Variants in BCO2 observed in about 807,000 individuals in gnomAD.
BCO2 encodes the protein carotenoid-cleaving dioxygenase, mitochondrial.
BCO2 carries 56 observed loss-of-function variants against 65.8 expected under a neutral mutation model. The observed-to-expected ratio is 0.85, with a 90% CI of 0.69 to 1.06. The LOEUF is 1.06. BCO2 is among the 50% of genes least tolerant of loss of function. BCO2 has a pLI of 0.00. For synonymous variants in BCO2, 233 were observed against 242.3 expected (o/e 0.96, Z 0.36); for missense variants, 675 against 698.5 (o/e 0.97, Z 0.38).
intron 2 of BCO2, among the ~76,000 whole-genome samples, chr11:112,190,856 CAAAAAAAAAAAA>C (rs945768260): frequency 1.6e-4 from 10 of 62,306 alleles, no homozygotes; most frequent in Non-Finnish European, 3.4e-4. Flanking sequence ...GACTCTGTCT[CAAAAAAAAAAAA>C]AAAAAAAGAA....
Position 112,214,477 on chromosome 11 carries a change from C to T in BCO2, c.1333-285C>T, listed in dbSNP as rs192741044. ...ATCCCCACCTTTTAGATAATATGTG[C>T]TTAGCACAGACCTATCATTGTGTAG... On this transcript the variant is annotated intron_variant, in intron 9 of 11. Transcript: ENST00000357685. 2.8e-3 allele frequency among the ~76,000 whole-genome samples: 425 copies of T among 152,326 alleles called. 2 individuals carry two copies. The highest frequency in any genetic ancestry group is 4.6e-3 in the Admixed American group (71 of 15,300).
chr11:112,192,943 T>TTTTTTTTTTTTTTTTTTTTG (rs1555195002), intron 2 of BCO2, among the ~76,000 whole-genome samples: 1 of 129,430 alleles, frequency 7.7e-6, no homozygotes, highest in African/African-American at 2.9e-5. Flanking sequence ...TTTTTTTTTT[T>TTTTTTTTTTTTTTTTTTTTG]GACAGGGGTA....
chr11:112,189,530 C>A (rs1402982829), intron 2 of BCO2, among the ~76,000 whole-genome samples: 1 of 151,814 alleles, frequency 6.6e-6, no homozygotes, highest in African/African-American at 2.4e-5. Context: ...GTCAGCCTCC[C>A]AAGTAGCTGG....
intron 8 of BCO2, among the ~76,000 whole-genome samples, chr11:112,213,131 C>CTTTTTTTTTTTTTTTT (rs35527541): frequency 6.3e-5 from 4 of 63,064 alleles, no homozygotes; most frequent in African/African-American, 3.0e-4. Context: ...AATTAAATAA[C>CTTTTTTTTTTTTTTTT]TTTTTTTTTT....
At chr11:112,201,702 A>G (rs1867739533) in intron 7 of BCO2, among the ~76,000 whole-genome samples, 1 of 152,196 alleles carries the variant, frequency 6.6e-6, no homozygotes, top group African/African-American at 2.4e-5. Context: ...TTTCTATTTA[A>G]CCATGCAGTT....
chr11:112,193,851 C>G lies in BCO2; in HGVS notation c.518-28C>G, dbSNP rs73572037. ...GCGTCGTCTACAGTAAGCTGTGGTA[C>G]TTAAATAACTCTAGGGTTTGGTTTC... On this transcript the variant is annotated intron_variant, in intron 3 of 11. Coordinates refer to ENST00000357685, the MANE Select transcript of BCO2 (RefSeq NM_031938.7). 310 of 1,507,520 alleles carry G rather than the reference C, an allele frequency of 2.1e-4. 3 individuals carry two copies. The African/African-American group carries it at 4.0e-3, about 19-fold the overall frequency. The allele number at this position is 1,507,520 out of a possible 1,614,324, so 93.4% of individuals were successfully genotyped here. A position where few individuals can be genotyped will look rare whatever the true frequency, so the allele number is the denominator to read the frequency against.
intron 1 of BCO2, among the ~76,000 whole-genome samples, chr11:112,178,556 A>C (rs542911501): frequency 7.2e-5 from 11 of 152,314 alleles, no homozygotes; most frequent in African/African-American, 2.6e-4. Context: ...CCACCCCTCT[A>C]TGTTAGGCAG....
Position 112,202,016 on chromosome 11 carries a change from C to T in BCO2, c.1027-7C>T. 6.5e-7 allele frequency: 1 copy of T among 1,548,856 alleles called. No homozygotes were observed. The highest frequency in any genetic ancestry group is 8.7e-7 in the Non-Finnish European group (1 of 1,152,216). On this transcript the variant is annotated splice_region_variant and splice_polypyrimidine_tract_variant and intron_variant, in intron 7 of 11. Transcript: ENST00000357685. Reference sequence around the variant, plus strand: ...ATTTTTTTCATTGTTTGTGTTTTCCCCTGCAGCTCCTTCCAGGGAGATACT... The same window carrying T: ...ATTTTTTTCATTGTTTGTGTTTTCCTCTGCAGCTCCTTCCAGGGAGATACT...
chr11:112,210,947 A>G (rs936847814), intron 8 of BCO2, among the ~76,000 whole-genome samples: 4 of 152,110 alleles, frequency 2.6e-5, no homozygotes, highest in African/African-American at 9.7e-5. Context: ...TAGAAAGTAT[A>G]TATATATAAC....
chr11:112,209,617 T>C (rs943075503), intron 8 of BCO2, among the ~76,000 whole-genome samples: 1 of 152,214 alleles, frequency 6.6e-6, no homozygotes, highest in African/African-American at 2.4e-5. Context: ...TTTACTGAGA[T>C]TTTTTGTCAT....
At chr11:112,186,980 T>C (rs71478721) in intron 2 of BCO2, among the ~76,000 whole-genome samples, 360 of 152,314 alleles carry the variant, frequency 2.4e-3, no homozygotes, top group Non-Finnish European at 3.6e-3. Context: ...CTATCGCCAC[T>C]GTAATGATTG....
At chr11:112,190,571 GT>G (rs1867345367) in intron 2 of BCO2, among the ~76,000 whole-genome samples, 1 of 151,920 alleles carries the variant, frequency 6.6e-6, no homozygotes, top group African/African-American at 2.4e-5. Flanking sequence ...AGAAAATAGG[GT>G]TTGGCTGGGC....
chr11:112,177,438 A>G (rs1314492720), intron 1 of BCO2, among the ~76,000 whole-genome samples: 1 of 152,206 alleles, frequency 6.6e-6, no homozygotes, highest in African/African-American at 2.4e-5. Context: ...CTGAGAAACA[A>G]TGCTGAAATA....
intron 2 of BCO2, among the ~76,000 whole-genome samples, chr11:112,190,721 T>G: frequency 6.6e-6 from 1 of 151,586 alleles, no homozygotes; most frequent in South Asian, 2.1e-4. Flanking sequence ...CTGGGTGTGG[T>G]GGCACGTGCC....
At position 112,202,264 on chromosome 11, in the gene BCO2, CAT is replaced by C. The variant is rs1210955878; in HGVS notation, c.1194+75_1194+76del. The C allele has an allele frequency of 2.3e-6, 3 of 1,333,024 alleles. No homozygotes were observed. The African/African-American group carries it at 4.5e-5, about 20-fold the overall frequency. The allele number at this position is 1,333,024 out of a possible 1,614,324, so 82.6% of individuals were successfully genotyped here. On this transcript the variant is annotated intron_variant, in intron 8 of 11. Transcript: ENST00000357685. ...AGATCTGGCTTTGGCTTTGGAATTACATGTTTCTCTCTCTCTCTCTCTCTCTT... is the reference window on the plus strand; with the variant it reads ...AGATCTGGCTTTGGCTTTGGAATTACGTTTCTCTCTCTCTCTCTCTCTCTT...
chr11:112,202,196 C>T lies in BCO2; in HGVS notation c.1194+6C>T. On this transcript the variant is annotated splice_donor_region_variant and intron_variant, in intron 8 of 11. Coordinates refer to ENST00000357685, the MANE Select transcript of BCO2 (RefSeq NM_031938.7). ...CTGGGGAAGGGCTTGATCAGGTAAA[C>T]ATTAGAATTTGTCAAGAGTCATCAA... is the stretch of plus-strand genomic sequence containing the variant. 1 of 1,599,260 alleles carries T rather than the reference C, an allele frequency of 6.3e-7. No individual in the cohort carries two copies. Among genetic ancestry groups the T allele is most frequent in the Non-Finnish European group, 8.5e-7 (1 of 1,175,684 alleles).
chr11:112,192,968 G>T (rs1001835109), intron 2 of BCO2, among the ~76,000 whole-genome samples: 18 of 59,456 alleles, frequency 3.0e-4, no homozygotes, highest in African/African-American at 7.8e-4. Flanking sequence ...TCAGGAGAAT[G>T]TAAATTATTC....
chr11:112,200,936 G>A (rs1023308291), intron 7 of BCO2, among the ~76,000 whole-genome samples, 163 bp downstream of exon 7: 2 of 151,956 alleles, frequency 1.3e-5, no homozygotes, highest in African/African-American at 4.8e-5. Context: ...TTATTAATTA[G>A]TACGATGGAT....
chr11:112,215,152 CTA>C (rs906495936), intron 10 of BCO2: 5 of 564,658 alleles, frequency 8.9e-6, no homozygotes, highest in Non-Finnish European at 1.6e-5. Flanking sequence ...CAAAATAATT[CTA>C]TGTTTGATTT....
Sources: gnomAD v4.1 joint callset for allele counts (sites outside exome capture counted in the v4.1 genomes callset) on GRCh38, gnomAD v4.1.1 for gene constraint, MANE v1.5 for transcripts, NCBI Gene and HGNC (gene_info 2026-07-23, HGNC 2026-07-21) for gene names.